The following USP6NL variants were observed in gnomAD, a reference collection of about 807,000 sequenced individuals.
The protein encoded by USP6NL is USP6 N-terminal-like protein.
A neutral mutation model predicts 61.9 loss-of-function variants in USP6NL; 26 were observed. The ratio of observed to expected loss-of-function variants is 0.42; its 90% CI spans 0.31 to 0.58. The LOEUF (loss-of-function observed/expected upper bound fraction) is 0.58. USP6NL is among the 20% of genes least tolerant of loss of function. The pLI is 0.16. For synonymous variants in USP6NL, 432 were observed against 390.1 expected, an observed-to-expected ratio of 1.11 and a Z score of -1.27; for missense variants, 1,114 against 1,034.3, an observed-to-expected ratio of 1.08 and a Z score of -1.06.
chr10:11,475,890 T>C (rs984344044), intron 14 of USP6NL, among the ~76,000 whole-genome samples: 1 of 152,170 alleles, frequency 6.6e-6, no homozygotes, highest in African/African-American at 2.4e-5. Flanking sequence ...CAGTAGTCAC[T>C]GTGGGACTCC....
intron 2 of USP6NL, among the ~76,000 whole-genome samples, chr10:11,570,944 G>C (rs17150561): frequency 2.6e-5 from 4 of 152,012 alleles, no homozygotes; most frequent in African/African-American, 9.7e-5. Context: ...GACAGCCTCA[G>C]GTCAAAACAC....
At chr10:11,581,984 G>T (rs11257180) in intron 2 of USP6NL, among the ~76,000 whole-genome samples, 5 of 151,898 alleles carry the variant, frequency 3.3e-5, no homozygotes, top group Non-Finnish European at 7.4e-5. Context: ...TTGTTTTTGA[G>T]ACGGAGTTTC....
Position 11,575,581 on chromosome 10 carries a change from A to G in USP6NL, c.4+22050T>C, listed in dbSNP as rs1023473053. 1.3e-5 allele frequency among the ~76,000 whole-genome samples: 2 copies of G among 152,218 alleles called. No homozygotes were observed. The highest frequency in any genetic ancestry group is 2.9e-5 in the Non-Finnish European group (2 of 68,042). ...TCATGTCTCATAAATTTCAATCATC[A>G]TCTTCCTTATCTCACTGGTATTATC... On this transcript the variant is annotated intron_variant, in intron 2 of 14. Transcript: ENST00000609104. The surrounding 1 kb of genome is among the most constrained non-coding windows in gnomAD (Gnocchi z 4.2).
chr10:11,525,272 G>C lies in USP6NL; in HGVS notation c.155+114C>G. ...GGAATTTAGTATCAAAACGCATATT[G>C]TAAGACTATTCCTTATTCACAGCAA... On this transcript the variant is annotated intron_variant, in intron 4 of 14. Transcript: ENST00000609104. This position sits in a 1 kb window ranked among gnomAD's most constrained non-coding sequence, Gnocchi z 5.0. The C allele has an allele frequency of 2.5e-6, 2 of 804,498 alleles. No individual in the cohort carries two copies. 49.8% of individuals were successfully genotyped at this position (804,498 alleles called of 1,614,324 possible). A position where few individuals can be genotyped will look rare whatever the true frequency, so the allele number is the denominator to read the frequency against.
At chr10:11,580,471 A>G (rs1391346317) in intron 2 of USP6NL, among the ~76,000 whole-genome samples, 3 of 152,224 alleles carry the variant, frequency 2.0e-5, no homozygotes, top group Non-Finnish European at 2.9e-5. Flanking sequence ...AAAATGGGAA[A>G]TAATCGAAAT....
Position 11,490,685 on chromosome 10 carries a change from G to T in USP6NL, c.543+147C>A. 1 of 787,312 alleles carries T rather than the reference G, an allele frequency of 1.3e-6. No individual in the cohort carries two copies. Among genetic ancestry groups the T allele is most frequent in the Non-Finnish European group, 2.0e-6 (1 of 494,110 alleles). 48.8% of individuals were successfully genotyped at this position (787,312 alleles called of 1,614,324 possible). ...TCTAAGGCCCTAGGGTTATCACAGG[G>T]TTTCAGCTTAAAAAGATCCACAGAG... On this transcript the variant is annotated intron_variant, in intron 9 of 14. Transcript: ENST00000609104. The surrounding 1 kb of genome is among the most constrained non-coding windows in gnomAD (Gnocchi z 4.5).
chr10:11,502,191 A>G (rs1304754894), intron 6 of USP6NL, among the ~76,000 whole-genome samples: 1 of 151,492 alleles, frequency 6.6e-6, no homozygotes, highest in East Asian at 1.9e-4. Flanking sequence ...CCCGGGAGGC[A>G]GAGCTTGCAG....
rs776175868 is a variant in USP6NL, at chr10:11,463,439, C to T, written c.1489G>A (p.Glu497Lys). ...TCCATGGTGTATTTGGCAGTTCTCT[C>T]TGTAGCTGAGACGTCTGACGGTTTA... Reference protein sequence around the residue: ...WNKPSDVSATERTAKYTMEGK... With the variant: ...WNKPSDVSATKRTAKYTMEGK... The change falls in exon 15 of 15, where the codon GAG (glutamate) becomes AAG (lysine). Residue 497 changes from glutamate (E) to lysine (K), a missense_variant. Glu to Lys is a moderately conservative substitution (Grantham distance 56). Coordinates refer to ENST00000609104, the MANE Select transcript of USP6NL (RefSeq NM_014688.5). The surrounding 1 kb of genome is among the most constrained non-coding windows in gnomAD (Gnocchi z 6.3). 3.1e-6 allele frequency: 5 copies of T among 1,613,954 alleles called. No individual in the cohort carries two copies. In the Admixed American group the frequency reaches 8.3e-5, roughly 27 times the overall value.
Position 11,597,606 on chromosome 10 carries a change from G to A in USP6NL, c.4+25C>T, listed in dbSNP as rs1386683300. 18 of 1,551,092 alleles carry A rather than the reference G, an allele frequency of 1.2e-5. No homozygotes were observed. Among genetic ancestry groups the A allele is most frequent in the Non-Finnish European group, 1.6e-5 (18 of 1,146,576 alleles). On this transcript the variant is annotated intron_variant, in intron 2 of 14. Transcript: ENST00000609104. The surrounding 1 kb of genome is among the most constrained non-coding windows in gnomAD (Gnocchi z 4.6). ...ACAGCAAACGCTCCTGAGATGGCTG[G>A]AAGGAAAGGAAGCAGCGCACTTACT...
rs541774971 is a variant in USP6NL at position 11,509,147 on chromosome 10, G to T, written c.276+448C>A. Among the ~76,000 whole-genome samples the T allele has an allele frequency of 5.4e-4, 82 of 152,320 alleles. No homozygotes were observed. In the Middle Eastern group the frequency reaches 0.014, roughly 25 times the overall value. ...CTAGAAGCTTTTGAAAAAGGAGATT[G>T]CTCCTGCTTGAGGGAATGCTTTCAG... On this transcript the variant is annotated intron_variant, in intron 6 of 14. Transcript: ENST00000609104.
rs1588412953 is a variant in USP6NL, at chr10:11,585,579, G to A, written c.4+12052C>T. On this transcript the variant is annotated intron_variant, in intron 2 of 14. Transcript: ENST00000609104. This position sits in a 1 kb window ranked among gnomAD's most constrained non-coding sequence, Gnocchi z 4.5. The stretch of plus-strand genomic sequence containing the variant: ...CGGGAGGCTGAGGAACGGGAATGGC[G>A]CGAACCCGGGATGCGGAGCTTTCAG... Among the ~76,000 whole-genome samples the A allele has an allele frequency of 6.6e-6, 1 of 152,040 alleles. No homozygotes were observed. Among genetic ancestry groups the A allele is most frequent in the Admixed American group, 6.6e-5 (1 of 15,264 alleles).
intron 2 of USP6NL, among the ~76,000 whole-genome samples, chr10:11,535,404 G>A (rs1401278414): frequency 6.6e-6 from 1 of 152,194 alleles, no homozygotes; most frequent in Non-Finnish European, 1.5e-5. Flanking sequence ...TCAACTTGCA[G>A]TGGGAGTTAA....
chr10:11,496,555 T>C lies in USP6NL; in HGVS notation c.385-3327A>G, dbSNP rs61207640. 4.7e-3 allele frequency among the ~76,000 whole-genome samples: 721 copies of C among 152,334 alleles called. 2 individuals carry two copies. The highest frequency in any genetic ancestry group is 0.017 in the African/African-American group (694 of 41,578). On this transcript the variant is annotated intron_variant, in intron 7 of 14. Transcript: ENST00000609104. This position sits in a 1 kb window ranked among gnomAD's most constrained non-coding sequence, Gnocchi z 5.4. Reference sequence around the variant, plus strand: ...GCATTTCAAGGGAAAGGGAGCTAAATGAGTATGTTGAATCTCCCATGTTTA... The same window carrying C: ...GCATTTCAAGGGAAAGGGAGCTAAACGAGTATGTTGAATCTCCCATGTTTA...
chr10:11,514,388 T>C (rs891902976), intron 5 of USP6NL, among the ~76,000 whole-genome samples: 2 of 152,150 alleles, frequency 1.3e-5, no homozygotes, highest in African/African-American at 2.4e-5. Context: ...TGAAATGACA[T>C]TATTAACTTT....
intron 6 of USP6NL, among the ~76,000 whole-genome samples, chr10:11,506,369 C>G (rs920939675): frequency 6.6e-6 from 1 of 152,192 alleles, no homozygotes; most frequent in Non-Finnish European, 1.5e-5. Flanking sequence ...AGGCTGGGCA[C>G]AGTGGCTCAT....
rs1477159312 is a variant in USP6NL at position 11,513,061 on chromosome 10, G to C, written c.196-3386C>G. 6.6e-6 allele frequency among the ~76,000 whole-genome samples: 1 copy of C among 152,204 alleles called. No individual in the cohort carries two copies. Among genetic ancestry groups the C allele is most frequent in the Non-Finnish European group, 1.5e-5 (1 of 68,048 alleles). On this transcript the variant is annotated intron_variant, in intron 5 of 14. Coordinates refer to ENST00000609104, the MANE Select transcript of USP6NL (RefSeq NM_014688.5). This position sits in a 1 kb window ranked among gnomAD's most constrained non-coding sequence, Gnocchi z 4.7. ...AAAGTATGAACTCCTTGACTACAGA[G>C]ACTGGATATGTTCATGTTTTTATCA...
At chr10:11,570,715 C>T (rs1268690948) in intron 2 of USP6NL, among the ~76,000 whole-genome samples, 1 of 152,192 alleles carries the variant, frequency 6.6e-6, no homozygotes, top group Non-Finnish European at 1.5e-5. Flanking sequence ...ATTACATTTA[C>T]GCCTTACACA....
At chr10:11,471,814 C>T (rs1361687269) in intron 14 of USP6NL, among the ~76,000 whole-genome samples, 4 of 108,242 alleles carry the variant, frequency 3.7e-5, no homozygotes, top group Non-Finnish European at 7.1e-5. Context: ...CATCACACAC[C>T]GAGGCCTGTT....
rs756748987 is a variant in USP6NL at position 11,463,743 on chromosome 10, C to T, written c.1185G>A (p.Pro395=). ...LSNGQRSVGR[P]SPLASGRRES... ...CCCTCCTGCCGCTGGCCAGCGGGCT[C>T]GGCCGGCCCACGCTCCTCTGTCCGT... Residue 395 remains proline (P), a synonymous_variant, in exon 15 of 15, where the codon CCG becomes CCA. Coordinates refer to ENST00000609104, the MANE Select transcript of USP6NL (RefSeq NM_014688.5). The surrounding 1 kb of genome is among the most constrained non-coding windows in gnomAD (Gnocchi z 6.3). 6.9e-5 allele frequency: 111 copies of T among 1,597,340 alleles called. 3 individuals are homozygous for T. The South Asian group carries it at 1.1e-3, about 15-fold the overall frequency.
Sources: allele counts gnomAD v4.1 joint callset (sites outside exome capture counted in the v4.1 genomes callset), GRCh38; gene constraint gnomAD v4.1.1; non-coding constraint Gnocchi (gnomAD v3.1); transcripts MANE v1.5; gene names NCBI Gene and HGNC (gene_info 2026-07-23, HGNC 2026-07-21).